Variants in HDAC9 observed in about 807,000 individuals in gnomAD.
The protein encoded by HDAC9 is histone deacetylase 9, also known as MEF-2 interacting transcription repressor (MITR) protein.
HDAC9 carries 41 observed loss-of-function variants against 139.4 expected under a neutral mutation model. The observed-to-expected ratio is 0.29, with a 90% CI of 0.23 to 0.38. HDAC9 has a LOEUF of 0.38. Ranked by LOEUF, HDAC9 falls within the 10% of genes least tolerant of loss-of-function variation. The probability of loss-of-function intolerance (pLI) is 1.00; values close to 1 mark genes in which losing one functional copy is unlikely to be tolerated. For missense variants in HDAC9, 1,147 were observed against 1,297.0 expected, an observed-to-expected ratio of 0.88 and a Z score of 1.78; for synonymous variants, 517 against 476.2, an observed-to-expected ratio of 1.09 and a Z score of -1.12.
chr7:18,496,385 G>A lies in HDAC9; in HGVS notation c.22+61G>A, dbSNP rs1796952570. On this transcript the variant is annotated intron_variant, in intron 2 of 25. Transcript: ENST00000686413. ...TTGAAAGGGGGCTGGCTTGGGAAATGCAGCTAAGAAAAGCACCTCTCTTAA... is the reference window on the plus strand; with the variant it reads ...TTGAAAGGGGGCTGGCTTGGGAAATACAGCTAAGAAAAGCACCTCTCTTAA... 2.8e-6 allele frequency: 4 copies of A among 1,451,208 alleles called. No individual in the cohort carries two copies. The South Asian group carries it at 4.7e-5, about 17-fold the overall frequency. 89.9% of individuals were successfully genotyped at this position (1,451,208 alleles called of 1,614,324 possible).
rs202132458 is a variant in HDAC9, at chr7:18,461,177, G to GA, written c.-41-35077dup. Among the ~76,000 whole-genome samples, 82 of 151,616 alleles carry GA rather than the reference G, an allele frequency of 5.4e-4. 1 individual carries two copies. The East Asian group carries it at 0.014, about 26-fold the overall frequency. ...CAGACATACGCAGACTTTTCAGTCA[G>GA]AAAAAAAAGGCTAAATGTTGGAAAC... On this transcript the variant is annotated intron_variant, in intron 1 of 3. Coordinates refer to the HDAC9 transcript ENST00000413509.
intron 2 of HDAC9, among the ~76,000 whole-genome samples, chr7:18,511,110 A>G (rs1801368777): frequency 1.3e-5 from 2 of 152,196 alleles, no homozygotes; most frequent in Admixed American, 6.5e-5. Flanking sequence ...AAGGCTGCCA[A>G]TTAGGCTTTC....
intron 2 of HDAC9, among the ~76,000 whole-genome samples, chr7:18,172,374 A>G (rs912481992): frequency 1.3e-5 from 2 of 151,786 alleles, no homozygotes; most frequent in Non-Finnish European, 2.9e-5. Context: ...CAGTCTACCA[A>G]TTTTGTTGAT....
At chr7:18,864,956 TA>T (rs890849324) in intron 21 of HDAC9, among the ~76,000 whole-genome samples, 2 of 152,114 alleles carry the variant, frequency 1.3e-5, no homozygotes, top group Admixed American at 6.6e-5. Context: ...TTTTAGTTGT[TA>T]AAAAAAATCC....
chr7:18,794,783 G>C (rs114022952), intron 17 of HDAC9, among the ~76,000 whole-genome samples: 1,910 of 152,198 alleles, frequency 0.013, 32 homozygotes, highest in African/African-American at 0.036. Context: ...AATAAAATTT[G>C]AACATCTTAT....
At chr7:18,703,457 G>A (rs1039049691) in intron 12 of HDAC9, among the ~76,000 whole-genome samples, 19 of 152,204 alleles carry the variant, frequency 1.2e-4, no homozygotes, top group African/African-American at 3.1e-4. Context: ...CTGATTGTAC[G>A]AATTAATATT....
intron 22 of HDAC9, among the ~76,000 whole-genome samples, chr7:18,881,538 T>C (rs936792859): frequency 4.6e-5 from 7 of 152,082 alleles, no homozygotes; most frequent in Admixed American, 3.9e-4. Context: ...TTTCTTGTTC[T>C]TTTTTACTAA....
chr7:18,835,827 T>G (rs1796197977), intron 20 of HDAC9, 73 bp from the exon 21 acceptor site: 1 of 1,100,720 alleles, frequency 9.1e-7, no homozygotes, highest in Non-Finnish European at 1.3e-6. Flanking sequence ...CCCATGTGCT[T>G]GTTTTCCTCT....
chr7:18,185,674 T>G (rs1223781568), intron 2 of HDAC9, among the ~76,000 whole-genome samples: 4 of 152,212 alleles, frequency 2.6e-5, no homozygotes, highest in Non-Finnish European at 4.4e-5. Context: ...TTCAAGATTA[T>G]TAAATCTCAG....
intron 1 of HDAC9, among the ~76,000 whole-genome samples, chr7:18,381,161 T>A (rs1210139265): frequency 8.3e-6 from 1 of 120,442 alleles, no homozygotes; most frequent in African/African-American, 3.3e-5. Flanking sequence ...ATCATGCCAC[T>A]GCACTCCAGC....
At chr7:18,603,306 A>G (rs1337991318) in intron 6 of HDAC9, among the ~76,000 whole-genome samples, 2 of 152,110 alleles carry the variant, frequency 1.3e-5, no homozygotes, top group Non-Finnish European at 1.5e-5. Flanking sequence ...GATCATTAAT[A>G]TAATTAGATT....
At chr7:18,934,618 A>G (rs1371155644) in intron 22 of HDAC9, among the ~76,000 whole-genome samples, 1 of 152,166 alleles carries the variant, frequency 6.6e-6, no homozygotes, top group Non-Finnish European at 1.5e-5. Context: ...CTCCCCTCTT[A>G]CACTGAATGA....
intron 2 of HDAC9, among the ~76,000 whole-genome samples, chr7:18,581,567 C>G (rs984088108): frequency 5.3e-5 from 8 of 152,186 alleles, no homozygotes; most frequent in African/African-American, 1.9e-4. Context: ...AGAAGAGACT[C>G]CAGGGTCTCT....
chr7:18,823,494 CA>C (rs1795141061), intron 17 of HDAC9, among the ~76,000 whole-genome samples: 1 of 152,054 alleles, frequency 6.6e-6, no homozygotes. Context: ...ATCAGGATGG[CA>C]ATTTTACCAT....
chr7:18,244,994 C>CATCTATCTATCTATCT (rs1554342548), intron 2 of HDAC9, among the ~76,000 whole-genome samples: 47 of 148,058 alleles, frequency 3.2e-4, no homozygotes, highest in East Asian at 2.0e-3. Flanking sequence ...ATCTAATCTG[C>CATCTATCTATCTATCT]ATCTATCTAT....
intron 2 of HDAC9, among the ~76,000 whole-genome samples, chr7:18,574,840 C>T (rs920402831): frequency 1.3e-5 from 2 of 152,260 alleles, no homozygotes; most frequent in Admixed American, 6.5e-5. Context: ...GGCCAGGCAG[C>T]GACAGCAGGC....
At chr7:18,678,482 G>C (rs571844278) in intron 12 of HDAC9, among the ~76,000 whole-genome samples, 13 of 151,764 alleles carry the variant, frequency 8.6e-5, no homozygotes, top group Admixed American at 8.6e-4. Flanking sequence ...GCTTGATACT[G>C]TCTCACGTAT....
At chr7:18,141,951 A>G (rs1785928341) in intron 1 of HDAC9, among the ~76,000 whole-genome samples, 1 of 152,188 alleles carries the variant, frequency 6.6e-6, no homozygotes, top group Non-Finnish European at 1.5e-5. Context: ...GATCTAGAAT[A>G]CCCTATCAGT....
At chr7:18,119,884 G>A (rs1431473202) in intron 1 of HDAC9, among the ~76,000 whole-genome samples, 3 of 152,144 alleles carry the variant, frequency 2.0e-5, no homozygotes, top group Non-Finnish European at 4.4e-5. Flanking sequence ...AAGACCATAG[G>A]TGTCATATTG....
Sources: gnomAD v4.1 joint callset for allele counts (sites outside exome capture counted in the v4.1 genomes callset) on GRCh38, gnomAD v4.1.1 for gene constraint, MANE v1.5 for transcripts, NCBI Gene and HGNC (gene_info 2026-07-23, HGNC 2026-07-21) for gene names.